CYP19A1: variants seen among roughly 807,000 people sequenced by gnomAD.
The protein encoded by CYP19A1 is aromatase.
In CYP19A1, 32 loss-of-function variants were observed where a neutral mutation model predicts 44.4. That is an observed-to-expected ratio of 0.72 (90% CI 0.54 to 0.97). The LOEUF (loss-of-function observed/expected upper bound fraction) is 0.97, where lower values mean the gene tolerates loss of function less well. Among genes scored for constraint, CYP19A1 ranks in the 50% least tolerant of loss-of-function variants. CYP19A1 has a pLI of 0.00. For synonymous variants in CYP19A1, 212 were observed against 215.6 expected, an observed-to-expected ratio of 0.98 and a Z score of 0.14; for missense variants, 598 against 637.8, an observed-to-expected ratio of 0.94 and a Z score of 0.67.
chr15:51,249,788 C>T (rs1318658423), intron 1 of CYP19A1, among the ~76,000 whole-genome samples: 1 of 152,146 alleles, frequency 6.6e-6, no homozygotes, highest in Non-Finnish European at 1.5e-5. Context: ...TAAAAATGAA[C>T]CACTTACATG....
At chr15:51,215,353 CTG>C (rs1176842795) in intron 7 of CYP19A1, 121 bp from the exon 8 acceptor site, 1 of 1,421,006 alleles carries the variant, frequency 7.0e-7, no homozygotes, top group Admixed American at 1.8e-5. Context: ...CCACATGTCT[CTG>C]TGATTGACTG....
chr15:51,283,635 A>G (rs925420179), intron 1 of CYP19A1, among the ~76,000 whole-genome samples: 4 of 152,350 alleles, frequency 2.6e-5, no homozygotes, highest in African/African-American at 4.8e-5. Flanking sequence ...GACACAAAAA[A>G]GGAATGTAGA....
At chr15:51,250,095 C>A (rs559689438) in intron 1 of CYP19A1, among the ~76,000 whole-genome samples, 5 of 152,326 alleles carry the variant, frequency 3.3e-5, no homozygotes, top group South Asian at 2.1e-4. Flanking sequence ...TCTGACTGAC[C>A]ATTTGTGTGG....
intron 1 of CYP19A1, among the ~76,000 whole-genome samples, chr15:51,269,636 A>G (rs561667090): frequency 4.9e-4 from 74 of 152,332 alleles, no homozygotes; most frequent in African/African-American, 1.8e-3. Context: ...CAGAAAGGCC[A>G]TATTTCTCTG....
At chr15:51,218,324 A>C in intron 6 of CYP19A1, 1 of 603,844 alleles carries the variant, frequency 1.7e-6, no homozygotes, top group Non-Finnish European at 2.7e-6. Context: ...CCCCTTGCCG[A>C]GAAGCTGCCC....
chr15:51,274,894 G>A lies in CYP19A1; in HGVS notation c.-38-31944C>T, dbSNP rs997995443. Among the ~76,000 whole-genome samples the A allele has an allele frequency of 3.3e-5, 5 of 152,104 alleles. No individual in the cohort carries two copies. In the East Asian group the frequency reaches 5.8e-4, roughly 18 times the overall value. ...CATAAGCCAGAGGGGACAGCATACC[G>A]AAATCCTGCAACGCTGGGGAGAAAG... is the stretch of plus-strand genomic sequence containing the variant. On this transcript the variant is annotated intron_variant, in intron 1 of 9. Coordinates refer to ENST00000396402, the MANE Select transcript of CYP19A1 (RefSeq NM_000103.4).
intron 8 of CYP19A1, among the ~76,000 whole-genome samples, chr15:51,213,260 C>T (rs961693583): frequency 6.6e-6 from 1 of 152,196 alleles, no homozygotes; most frequent in Non-Finnish European, 1.5e-5. Flanking sequence ...CTCAGATCAG[C>T]CCTGGGTGAG....
chr15:51,327,431 C>A (rs547913719), intron 1 of CYP19A1, among the ~76,000 whole-genome samples: 6 of 152,106 alleles, frequency 3.9e-5, no homozygotes, highest in Non-Finnish European at 8.8e-5. Context: ...GTTCTCACCC[C>A]CCAAATCATG....
chr15:51,257,132 TTGC>T (rs1398526507), intron 1 of CYP19A1, among the ~76,000 whole-genome samples: 1 of 152,254 alleles, frequency 6.6e-6, no homozygotes, highest in African/African-American at 2.4e-5. Context: ...ACTGCCCTCG[TTGC>T]TGCTGGTAAG....
At chr15:51,247,494 GA>G (rs1240948740) in intron 1 of CYP19A1, among the ~76,000 whole-genome samples, 2 of 151,964 alleles carry the variant, frequency 1.3e-5, no homozygotes, top group Non-Finnish European at 2.9e-5. Flanking sequence ...TATTGAGACA[GA>G]GTCTTGCTCT....
intron 1 of CYP19A1, among the ~76,000 whole-genome samples, chr15:51,282,886 C>T (rs1238016547): frequency 2.6e-5 from 4 of 151,940 alleles, no homozygotes; most frequent in African/African-American, 7.3e-5. Context: ...TTTCTTAAGG[C>T]ATTTATTATG....
intron 1 of CYP19A1, among the ~76,000 whole-genome samples, chr15:51,285,148 T>G (rs887123223): frequency 5.9e-5 from 9 of 152,142 alleles, no homozygotes; most frequent in Non-Finnish European, 1.3e-4. Context: ...GACCAATGCT[T>G]TCTGACTGAG....
chr15:51,261,735 A>G (rs957142990), intron 1 of CYP19A1, among the ~76,000 whole-genome samples: 1 of 152,152 alleles, frequency 6.6e-6, no homozygotes, highest in African/African-American at 2.4e-5. Context: ...AGAGTTTCAG[A>G]GAGGTCATGG....
intron 1 of CYP19A1, among the ~76,000 whole-genome samples, chr15:51,324,775 G>T (rs1321813920): frequency 2.0e-5 from 3 of 152,200 alleles, no homozygotes; most frequent in Non-Finnish European, 4.4e-5. Flanking sequence ...CCTTTAAGTT[G>T]TCCACTGATC....
chr15:51,318,484 G>C (rs1001250075), intron 1 of CYP19A1: 1 of 152,306 alleles, frequency 6.6e-6, no homozygotes, highest in African/African-American at 2.4e-5. Context: ...GCTCCAGTTG[G>C]TCACGTTCTA....
chr15:51,297,822 A>ACACACACG (rs1312599081), intron 1 of CYP19A1, among the ~76,000 whole-genome samples: 1 of 130,978 alleles, frequency 7.6e-6, no homozygotes, highest in Non-Finnish European at 1.7e-5. Context: ...GGCATGACAC[A>ACACACACG]CACACACACA....
chr15:51,292,451 G>A lies in CYP19A1; in HGVS notation c.-39+46044C>T, dbSNP rs78310952. On this transcript the variant is annotated intron_variant, in intron 1 of 9. Transcript: ENST00000396402. The stretch of plus-strand genomic sequence containing the variant: ...CAATGGGATTGACCCAGCATGTGAC[G>A]ACAAGGTGCCTTGTGGATCCCAAAT... Among the ~76,000 whole-genome samples, 1,425 of 152,302 alleles carry A rather than the reference G, an allele frequency of 9.4e-3. 26 individuals carry two copies. The highest frequency in any genetic ancestry group is 0.033 in the African/African-American group (1,379 of 41,552).
chr15:51,285,238 C>G (rs2035658094), intron 1 of CYP19A1, among the ~76,000 whole-genome samples: 3 of 152,148 alleles, frequency 2.0e-5, no homozygotes, highest in Admixed American at 1.3e-4. Context: ...GACCTTCATC[C>G]TGAAACCCCT....
In CYP19A1 at chr15:51,215,206, A is replaced by G. The variant is rs148169419; in HGVS notation, c.885T>C (p.Asn295=). The G allele has an allele frequency of 2.9e-5, 47 of 1,614,008 alleles. No individual in the cohort carries two copies. Among genetic ancestry groups the G allele is most frequent in the Non-Finnish European group, 3.8e-5 (45 of 1,180,000 alleles). Residue 295 remains asparagine (N), a synonymous_variant, in exon 8 of 10, where the codon AAT becomes AAC. Transcript: ENST00000396402. ...GCATTTCCAATATGCACTGGTTCACATTCTCTCTTGTCAGGTCACCACGTT... is the reference window on the plus strand; with the variant it reads ...GCATTTCCAATATGCACTGGTTCACGTTCTCTCTTGTCAGGTCACCACGTT... ...AEKRGDLTRE[N]VNQCILEMLI... is the part of the protein sequence containing the mutation.
Sources: gnomAD v4.1 joint callset for allele counts (sites outside exome capture counted in the v4.1 genomes callset) on GRCh38, gnomAD v4.1.1 for gene constraint, MANE v1.5 for transcripts, NCBI Gene and HGNC (gene_info 2026-07-23, HGNC 2026-07-21) for gene names.